PITPNA: variants seen among roughly 807,000 people sequenced by gnomAD.
PITPNA encodes the protein phosphatidylinositol transfer protein alpha.
PITPNA carries 13 observed loss-of-function variants against 50.3 expected under a neutral mutation model. The observed-to-expected ratio is 0.26, with a 90% CI of 0.17 to 0.41. PITPNA has a LOEUF of 0.41. Among genes scored for constraint, PITPNA ranks in the 10% least tolerant of loss-of-function variants. The pLI, the probability that PITPNA is intolerant of heterozygous loss-of-function variation, is 1.00. For missense variants in PITPNA, 207 were observed against 333.4 expected, an observed-to-expected ratio of 0.62 and a Z score of 2.95; for synonymous variants, 120 against 119.6, an observed-to-expected ratio of 1.00 and a Z score of -0.02.
chr17:1,557,449 C>A (rs1371373193), intron 2 of PITPNA, among the ~76,000 whole-genome samples: 1 of 152,168 alleles, frequency 6.6e-6, no homozygotes, highest in Admixed American at 6.5e-5. Flanking sequence ...TGACTGGAGG[C>A]ACTATACTGG....
intron 2 of PITPNA, among the ~76,000 whole-genome samples, chr17:1,556,755 G>A (rs1449228145): frequency 6.6e-6 from 1 of 152,070 alleles, no homozygotes; most frequent in African/African-American, 2.4e-5. Flanking sequence ...GGGACGCGCT[G>A]GGCTTTCCTG....
Position 1,542,983 on chromosome 17 carries a change from C to T in PITPNA, c.297+37G>A, listed in dbSNP as rs772735842. On this transcript the variant is annotated intron_variant, in intron 5 of 11. Transcript: ENST00000313486. The stretch of plus-strand genomic sequence containing the variant: ...CATTTTTCTCTCTCCTGTTCTTATA[C>T]ATCATCTACAGTTCCAACCCCCTTG... The T allele has an allele frequency of 2.0e-6, 3 of 1,530,426 alleles. No homozygotes were observed. In the South Asian group the frequency reaches 3.4e-5, roughly 17 times the overall value. 94.8% of individuals were successfully genotyped at this position (1,530,426 alleles called of 1,614,324 possible). A position where few individuals can be genotyped will look rare whatever the true frequency, so the allele number is the denominator to read the frequency against.
rs182114664 is a variant in PITPNA at position 1,553,083 on chromosome 17, C to T, written c.118G>A (p.Val40Met). The change falls in exon 3 of 12, where the codon GTG (valine) becomes ATG (methionine). Residue 40 changes from valine to methionine, a missense_variant. By Grantham distance (21) the Val-to-Met change is conservative. Transcript: ENST00000313486. ...TAGGGCTCATTCACCAGGACCTCCA[C>T]GCCTTCGCCACCACCCGTTTCATTT... ...SKNETGGGEG[V>M]EVLVNEPYEK... The T allele has an allele frequency of 3.1e-6, 5 of 1,613,958 alleles. No homozygotes were observed. The highest frequency in any genetic ancestry group is 4.2e-6 in the Non-Finnish European group (5 of 1,179,842).
intron 10 of PITPNA, among the ~76,000 whole-genome samples, chr17:1,527,260 T>G (rs960059621): frequency 1.3e-5 from 2 of 152,158 alleles, no homozygotes; most frequent in African/African-American, 4.8e-5. Flanking sequence ...TTGGTTTGTT[T>G]TGAGATAGAG....
chr17:1,524,083 C>G (rs1304346318), intron 10 of PITPNA, among the ~76,000 whole-genome samples: 2 of 142,978 alleles, frequency 1.4e-5, no homozygotes, highest in Non-Finnish European at 3.0e-5. Context: ...CTCGCTCAGT[C>G]ACCCAGGCTG....
chr17:1,554,343 A>G (rs2075724373), intron 2 of PITPNA, among the ~76,000 whole-genome samples: 2 of 144,606 alleles, frequency 1.4e-5, no homozygotes, highest in Admixed American at 6.9e-5. Context: ...CTCGAGCTCT[A>G]TGCCCAACTC....
At position 1,544,735 on chromosome 17, in the gene PITPNA, C is replaced by T. The variant is rs566165442; in HGVS notation, c.290-1708G>A. 3.9e-5 allele frequency among the ~76,000 whole-genome samples: 6 copies of T among 152,292 alleles called. No homozygotes were observed. The East Asian group carries it at 7.7e-4, about 20-fold the overall frequency. On this transcript the variant is annotated intron_variant, in intron 4 of 11. Transcript: ENST00000313486. ...GGCGGATCACCTGAGGTCAGGAGTT[C>T]GAGACCAGCTTGGCCAACATGGTGA...
chr17:1,535,546 G>C (rs767094349), intron 7 of PITPNA, 28 bp from the exon 8 acceptor site: 1 of 1,454,800 alleles, frequency 6.9e-7, no homozygotes, highest in South Asian at 1.1e-5. Flanking sequence ...ATTGGGGTTG[G>C]AGGGGAGTGG....
rs552692847 is a variant in PITPNA at position 1,538,783 on chromosome 17, A to C, written c.456+86T>G. On this transcript the variant is annotated intron_variant, in intron 7 of 11. Coordinates refer to ENST00000313486, the MANE Select transcript of PITPNA (RefSeq NM_006224.4). The stretch of plus-strand genomic sequence containing the variant: ...CACATCAGAATTTCCTTTTGTGCCA[A>C]GTTGGGTATGGTTTCCTGGTTTCTT... 39 of 758,644 alleles carry C rather than the reference A, an allele frequency of 5.1e-5. No homozygotes were observed. The South Asian group carries it at 5.8e-4, about 11-fold the overall frequency. The allele number at this position is 758,644 out of a possible 1,614,324, so 47.0% of individuals were successfully genotyped here. A position where few individuals can be genotyped will look rare whatever the true frequency, so the allele number is the denominator to read the frequency against.
intron 7 of PITPNA, among the ~76,000 whole-genome samples, chr17:1,536,502 G>GA (rs1190108125): frequency 6.6e-6 from 1 of 152,040 alleles, no homozygotes; most frequent in Non-Finnish European, 1.5e-5. Context: ...TGTTAGCCAG[G>GA]ATGGTCTCGA....
intron 11 of PITPNA, among the ~76,000 whole-genome samples, chr17:1,521,300 G>A (rs2075510308): frequency 6.6e-6 from 1 of 152,130 alleles, no homozygotes; most frequent in African/African-American, 2.4e-5. Flanking sequence ...CAAGCTGGCA[G>A]ACAGGAGGAG....
chr17:1,524,038 CTTTTTTCTT>C (rs925358056), intron 10 of PITPNA, among the ~76,000 whole-genome samples: 8 of 117,120 alleles, frequency 6.8e-5, no homozygotes, highest in Non-Finnish European at 8.1e-5. Context: ...CAGTTTTTTT[CTTTTTTCTT>C]TTTTTTTTTT....
At chr17:1,523,120 C>T (rs945429731) in intron 10 of PITPNA, among the ~76,000 whole-genome samples, 2 of 151,366 alleles carry the variant, frequency 1.3e-5, no homozygotes, top group Admixed American at 6.6e-5. Context: ...TGTGGAAGCA[C>T]CAAGTGGTCC....
chr17:1,545,825 C>T (rs1366218837), intron 4 of PITPNA, among the ~76,000 whole-genome samples: 2 of 151,640 alleles, frequency 1.3e-5, no homozygotes, highest in Admixed American at 6.6e-5. Flanking sequence ...GATGTCCACA[C>T]TTGCAACACA....
chr17:1,544,308 G>A (rs572628113), intron 4 of PITPNA, among the ~76,000 whole-genome samples: 48 of 152,272 alleles, frequency 3.2e-4, no homozygotes, highest in African/African-American at 1.1e-3. Flanking sequence ...GTCCCGTTTC[G>A]GTAGCAATTC....
chr17:1,534,367 C>T (rs1196473983), intron 9 of PITPNA, 146 bp from the exon 10 acceptor site: 1 of 912,942 alleles, frequency 1.1e-6, no homozygotes. Flanking sequence ...GTTATCTGGA[C>T]CAGCCATGGG....
chr17:1,559,725 A>G, intron 1 of PITPNA: 4 of 977,226 alleles, frequency 4.1e-6, no homozygotes, highest in Non-Finnish European at 4.9e-6. Flanking sequence ...GGAAGCAAGA[A>G]GGACACAGAG....
chr17:1,542,958 C>A, intron 5 of PITPNA, 62 bp downstream of exon 5: 1 of 1,344,278 alleles, frequency 7.4e-7, no homozygotes, highest in Non-Finnish European at 1.0e-6. Context: ...AGTGCAGTTA[C>A]ATTTTTCTCT....
At chr17:1,529,676 G>C (rs545933109) in intron 10 of PITPNA, among the ~76,000 whole-genome samples, 7 of 151,714 alleles carry the variant, frequency 4.6e-5, no homozygotes, top group African/African-American at 1.7e-4. Flanking sequence ...GCAACATGGG[G>C]AAACCCTGTC....
Sources: gnomAD v4.1 joint callset for allele counts (sites outside exome capture counted in the v4.1 genomes callset) on GRCh38, gnomAD v4.1.1 for gene constraint, MANE v1.5 for transcripts, NCBI Gene and HGNC (gene_info 2026-07-23, HGNC 2026-07-21) for gene names.